ZFAT: variants seen among roughly 807,000 people sequenced by gnomAD.
ZFAT encodes zinc finger and AT-hook domain containing, also known as zinc finger protein ZFAT.
In ZFAT, 64 loss-of-function variants were observed where a neutral mutation model predicts 117.7. That is an observed-to-expected ratio of 0.54 (90% CI 0.44 to 0.67). The LOEUF (loss-of-function observed/expected upper bound fraction) is 0.67. Among genes scored for constraint, ZFAT ranks in the 30% least tolerant of loss-of-function variants. The pLI is 0.00. For missense variants in ZFAT, 1,433 were observed against 1,584.5 expected, an observed-to-expected ratio of 0.90 and a Z score of 1.62; for synonymous variants, 679 against 615.0, an observed-to-expected ratio of 1.10 and a Z score of -1.54.
At chr8:134,557,624 T>C (rs1823745168) in intron 11 of ZFAT, among the ~76,000 whole-genome samples, 1 of 151,952 alleles carries the variant, frequency 6.6e-6, no homozygotes, top group Non-Finnish European at 1.5e-5. Context: ...AAAAAGTCAA[T>C]ACAAGAGATA....
intron 11 of ZFAT, among the ~76,000 whole-genome samples, chr8:134,548,897 C>T (rs1346542946): frequency 6.6e-6 from 1 of 152,220 alleles, no homozygotes; most frequent in Admixed American, 6.5e-5. Flanking sequence ...GCCAGTGGAG[C>T]ACTGGGCACT....
At chr8:134,731,947 G>C in the ZFAT span, among the ~76,000 whole-genome samples, 1 of 152,144 alleles carries the variant, frequency 6.6e-6, no homozygotes, top group African/African-American at 2.4e-5. Flanking sequence ...TTGTAGATGA[G>C]AAAACAGGGG....
chr8:134,677,198 C>A (rs980832545), intron 1 of ZFAT, among the ~76,000 whole-genome samples: 2 of 151,854 alleles, frequency 1.3e-5, no homozygotes, highest in African/African-American at 4.8e-5. Flanking sequence ...GACTTCTAGC[C>A]AGACTAATAA....
chr8:134,821,446 T>C, the ZFAT span, among the ~76,000 whole-genome samples: 1 of 152,120 alleles, frequency 6.6e-6, no homozygotes, highest in Non-Finnish European at 1.5e-5. Context: ...GTCAGTTCAG[T>C]TCTGGCCACT....
the ZFAT span, among the ~76,000 whole-genome samples, chr8:134,813,625 G>C: frequency 2.0e-5 from 3 of 152,214 alleles, no homozygotes; most frequent in African/African-American, 7.2e-5. Context: ...ATGTTGGCCA[G>C]GCTGGTCTCC....
chr8:134,534,436 C>T (rs1821665024), intron 11 of ZFAT, among the ~76,000 whole-genome samples: 1 of 152,182 alleles, frequency 6.6e-6, no homozygotes, highest in Non-Finnish European at 1.5e-5. Flanking sequence ...GTGAAGTGCA[C>T]CAACAGAGAG....
the ZFAT span, chr8:134,785,714 T>C: frequency 4.6e-5 from 7 of 152,128 alleles, no homozygotes; most frequent in Non-Finnish European, 8.8e-5. Context: ...AAGGGCTGTG[T>C]TATCACTATA....
At chr8:134,519,996 G>C (rs1353499605) in intron 13 of ZFAT, among the ~76,000 whole-genome samples, 1 of 152,118 alleles carries the variant, frequency 6.6e-6, no homozygotes, top group Non-Finnish European at 1.5e-5. Flanking sequence ...TTGCATTCCA[G>C]AATAATCCCC....
intron 2 of ZFAT, among the ~76,000 whole-genome samples, chr8:134,656,660 C>G (rs535127988): frequency 3.5e-4 from 54 of 152,274 alleles, no homozygotes; most frequent in Middle Eastern, 3.4e-3. Context: ...TTTAGAAATG[C>G]CAGCCTGAAT....
At chr8:134,786,939 C>A in the ZFAT span, among the ~76,000 whole-genome samples, 1 of 151,342 alleles carries the variant, frequency 6.6e-6, no homozygotes. Flanking sequence ...GGCTCAAACT[C>A]CTGGGCTCAG....
intron 1 of ZFAT, among the ~76,000 whole-genome samples, chr8:134,666,219 A>G (rs1217016034): frequency 6.6e-6 from 1 of 152,120 alleles, no homozygotes; most frequent in Non-Finnish European, 1.5e-5. Flanking sequence ...AATGAGGTGC[A>G]CTTTTCTCCA....
the ZFAT span, among the ~76,000 whole-genome samples, chr8:134,786,669 GAGT>G: frequency 5.3e-5 from 8 of 152,194 alleles, 1 homozygote; most frequent in Admixed American, 4.6e-4. Context: ...GCATTATTCA[GAGT>G]AGATTTTAAA....
chr8:134,494,593 C>A (rs1019437969), intron 15 of ZFAT, among the ~76,000 whole-genome samples: 3 of 152,182 alleles, frequency 2.0e-5, no homozygotes, highest in African/African-American at 7.2e-5. Context: ...CCCACCAGGG[C>A]CTTGCTGGTA....
chr8:134,730,741 G>A, the ZFAT span, among the ~76,000 whole-genome samples: 1 of 152,260 alleles, frequency 6.6e-6, no homozygotes, highest in East Asian at 1.9e-4. Context: ...ACAGATGGGG[G>A]ACCTGAAGCC....
chr8:134,743,048 A>G, the ZFAT span, among the ~76,000 whole-genome samples: 1 of 152,252 alleles, frequency 6.6e-6, no homozygotes, highest in Non-Finnish European at 1.5e-5. Context: ...GGTGTGAAAG[A>G]GTGACACATA....
intron 13 of ZFAT, among the ~76,000 whole-genome samples, chr8:134,520,569 T>G (rs532172316): frequency 1.1e-4 from 16 of 152,084 alleles, no homozygotes; most frequent in South Asian, 2.1e-4. Flanking sequence ...AATCCTTGCC[T>G]TCCATTCTTT....
chr8:134,791,097 T>C, the ZFAT span, among the ~76,000 whole-genome samples: 1 of 152,240 alleles, frequency 6.6e-6, no homozygotes, highest in African/African-American at 2.4e-5. Context: ...TTCTGTACAT[T>C]TCATTCATTC....
the ZFAT span, among the ~76,000 whole-genome samples, chr8:134,813,730 CTT>C: frequency 6.6e-6 from 1 of 151,522 alleles, no homozygotes; most frequent in Admixed American, 6.6e-5. Context: ...CCATCTAATT[CTT>C]TATACAACTA....
chr8:134,584,804 A>C (rs146075866), intron 9 of ZFAT, among the ~76,000 whole-genome samples: 92 of 152,270 alleles, frequency 6.0e-4, no homozygotes, highest in African/African-American at 2.0e-3. Context: ...AAGGGGAAAG[A>C]GGGCGGGGAA....
Sources: allele counts gnomAD v4.1 joint callset (sites outside exome capture counted in the v4.1 genomes callset), GRCh38; gene constraint gnomAD v4.1.1; transcripts MANE v1.5; gene names NCBI Gene and HGNC (gene_info 2026-07-23, HGNC 2026-07-21).